The following CCT4 variants were observed in gnomAD, a reference collection of about 807,000 sequenced individuals.
CCT4 encodes the protein chaperonin containing TCP1 subunit 4, also known as T-complex protein 1 subunit delta.
CCT4 carries 17 observed loss-of-function variants against 62.5 expected under a neutral mutation model. The ratio of observed to expected loss-of-function variants is 0.27; its 90% confidence interval spans 0.19 to 0.41. The LOEUF (loss-of-function observed/expected upper bound fraction) is 0.41, where lower values mean the gene tolerates loss of function less well. Among genes scored for constraint, CCT4 ranks in the 10% least tolerant of loss-of-function variants. The probability of loss-of-function intolerance (pLI) is 1.00; values close to 1 mark genes in which losing one functional copy is unlikely to be tolerated. For missense variants in CCT4, 592 were observed against 659.2 expected (o/e 0.90, Z 1.12); for synonymous variants, 250 against 229.9 (o/e 1.09, Z -0.79).
intron 2 of CCT4, 81 bp downstream of exon 2, chr2:61,884,939 A>G: frequency 1.6e-6 from 2 of 1,238,870 alleles, no homozygotes; most frequent in Admixed American, 4.2e-5. Flanking sequence ...CTTTTTAAAC[A>G]GCACATCTAA....
intron 5 of CCT4, among the ~76,000 whole-genome samples, chr2:61,877,839 A>AT (rs1367206850): frequency 4.6e-5 from 7 of 152,238 alleles, no homozygotes; most frequent in Non-Finnish European, 8.8e-5. Flanking sequence ...TGAATGTGTG[A>AT]TGAGGCATCA....
At position 61,877,524 on chromosome 2, in the gene CCT4, T is replaced by C; in HGVS notation, c.523-10A>G. 6.7e-7 allele frequency: 1 copy of C among 1,496,666 alleles called. No homozygotes were observed. Among genetic ancestry groups the C allele is most frequent in the Non-Finnish European group, 8.8e-7 (1 of 1,132,870 alleles). 92.7% of individuals were successfully genotyped at this position (1,496,666 alleles called of 1,614,324 possible). A position where few individuals can be genotyped will look rare whatever the true frequency, so the allele number is the denominator to read the frequency against. On this transcript the variant is annotated splice_polypyrimidine_tract_variant and intron_variant, in intron 5 of 13. Transcript: ENST00000394440. ...AATACTGAGAAACCACCTAGAATTA[T>C]TAAAAAAAAAAAAAAGTTACCTTCA...
chr2:61,873,257 A>C lies in CCT4; in HGVS notation c.954T>G (p.Asn318Lys), dbSNP rs1375803504. 2 of 1,545,432 alleles carry C rather than the reference A, an allele frequency of 1.3e-6. No homozygotes were observed. Among genetic ancestry groups the C allele is most frequent in the Admixed American group, 3.3e-5 (2 of 59,898 alleles). ...CCTTAATCACCATGATCTTCATTTT[A>C]TTCAGAAAGTGTAATGCAAGATCAC... ...ALSDLALHFLNKMKIMVIKDI... is the reference protein window; with the variant it reads ...ALSDLALHFLKKMKIMVIKDI... The change falls in exon 9 of 14, where the codon AAT becomes AAG. Residue 318 changes from asparagine (N) to lysine (K), a missense_variant. Asn to Lys is a moderately conservative substitution (Grantham distance 94). Transcript: ENST00000394440.
intron 8 of CCT4, 143 bp downstream of exon 8, chr2:61,875,952 A>G (rs1264382720): frequency 3.9e-6 from 2 of 512,618 alleles, no homozygotes; most frequent in Non-Finnish European, 6.9e-6. Flanking sequence ...AAAATTCTCC[A>G]TTTCGTTTCA....
intron 1 of CCT4, among the ~76,000 whole-genome samples, chr2:61,887,307 C>A (rs1669278566): frequency 6.6e-6 from 1 of 152,182 alleles, no homozygotes; most frequent in African/African-American, 2.4e-5. Context: ...CTGATGACTG[C>A]AAACACATGT....
intron 3 of CCT4, among the ~76,000 whole-genome samples, chr2:61,882,112 T>C (rs555487031): frequency 6.6e-6 from 1 of 152,198 alleles, no homozygotes. Flanking sequence ...TTTGTATTTT[T>C]AGTAGAGATG....
chr2:61,888,105 T>C, intron 1 of CCT4: 1 of 368,064 alleles, frequency 2.7e-6, no homozygotes, highest in African/African-American at 2.1e-5. Flanking sequence ...CATTTTGAAC[T>C]GCTTTCGGCT....
At chr2:61,872,959 A>T (rs780722087) in intron 10 of CCT4, 43 bp downstream of exon 10, 2 of 1,142,180 alleles carry the variant, frequency 1.8e-6, no homozygotes, top group Non-Finnish European at 2.7e-6. Context: ...AAAACCCCAT[A>T]CCCAAACCTA....
intron 5 of CCT4, 26 bp downstream of exon 5, chr2:61,878,843 C>A (rs764989036): frequency 4.5e-6 from 7 of 1,559,778 alleles, no homozygotes; most frequent in African/African-American, 2.7e-5. Context: ...ACTAATTTGA[C>A]AAGTATCCGT....
intron 12 of CCT4, among the ~76,000 whole-genome samples, chr2:61,870,809 C>G (rs1199789818): frequency 6.6e-6 from 1 of 152,024 alleles, no homozygotes; most frequent in African/African-American, 2.4e-5. Flanking sequence ...GTAGTCCCAG[C>G]TACTCAGGAG....
At chr2:61,877,645 T>A (rs1232308583) in intron 5 of CCT4, 131 bp from the exon 6 acceptor site, 2 of 619,604 alleles carry the variant, frequency 3.2e-6, no homozygotes, top group Non-Finnish European at 5.3e-6. Context: ...AGGGAAACAC[T>A]CATGAGAAGA....
rs763502304 is a variant in CCT4, at chr2:61,868,436, CTTTTATTAGT to C, written c.*246_*255del. The C allele has an allele frequency of 1.6e-3, 698 of 446,652 alleles. 1 individual carries two copies. Among genetic ancestry groups the C allele is most frequent in the Non-Finnish European group, 2.3e-3 (578 of 249,762 alleles). The allele number at this position is 446,652 out of a possible 1,614,324, so 27.7% of individuals were successfully genotyped here. On this transcript the variant is annotated 3_prime_UTR_variant, in exon 14 of 14. Coordinates refer to ENST00000394440, the MANE Select transcript of CCT4 (RefSeq NM_006430.4). ...ACATGTAAACTCACTTTTTACGCTT[CTTTTATTAGT>C]TTTTATTAGTTTTTCAAAAGTATCA... is the stretch of plus-strand genomic sequence containing the variant.
chr2:61,888,553 C>A lies in CCT4; in HGVS notation c.-46G>T. On this transcript the variant is annotated 5_prime_UTR_variant, in exon 1 of 14. Coordinates refer to ENST00000394440, the MANE Select transcript of CCT4 (RefSeq NM_006430.4). Reference sequence around the variant, plus strand: ...GGTTGGCTCGGGAAGGACGGATGGACCCGGATTCTGGCCGGCCGCAGTGTA... The same window carrying A: ...GGTTGGCTCGGGAAGGACGGATGGAACCGGATTCTGGCCGGCCGCAGTGTA... 6.3e-7 allele frequency: 1 copy of A among 1,591,410 alleles called. No homozygotes were observed. Among genetic ancestry groups the A allele is most frequent in the South Asian group, 1.1e-5 (1 of 89,638 alleles).
intron 8 of CCT4, among the ~76,000 whole-genome samples, chr2:61,873,855 TG>T (rs1270044240): frequency 6.6e-6 from 1 of 152,060 alleles, no homozygotes; most frequent in Non-Finnish European, 1.5e-5. Context: ...CATGAGCCAC[TG>T]CACCCGGCTC....
chr2:61,885,530 C>A (rs1380245426), intron 1 of CCT4, among the ~76,000 whole-genome samples: 1 of 152,108 alleles, frequency 6.6e-6, no homozygotes, highest in Non-Finnish European at 1.5e-5. Context: ...TCCGCCTCAG[C>A]CTCTGGAGTA....
In CCT4 at chr2:61,876,015, A is replaced by G. The variant is rs574280736; in HGVS notation, c.917+80T>C. ...AACTTAGAGTAAGTGCTTAAATCATATATTTTATCAGAAAAAATAAACTGC... is the reference window on the plus strand; with the variant it reads ...AACTTAGAGTAAGTGCTTAAATCATGTATTTTATCAGAAAAAATAAACTGC... On this transcript the variant is annotated intron_variant, in intron 8 of 13. Transcript: ENST00000394440. 117 of 868,420 alleles carry G rather than the reference A, an allele frequency of 1.3e-4. 1 individual carries two copies. Among genetic ancestry groups the G allele is most frequent in the East Asian group, 1.1e-3 (44 of 39,592 alleles). The allele number at this position is 868,420 out of a possible 1,614,324, so 53.8% of individuals were successfully genotyped here.
intron 8 of CCT4, among the ~76,000 whole-genome samples, chr2:61,873,715 G>A (rs1668934797): frequency 6.6e-6 from 1 of 151,978 alleles, no homozygotes; most frequent in South Asian, 2.1e-4. Context: ...ACACGCTCCC[G>A]CCACCACACC....
At chr2:61,880,111 T>G (rs982690007) in intron 4 of CCT4, among the ~76,000 whole-genome samples, 175 bp downstream of exon 4, 2 of 152,184 alleles carry the variant, frequency 1.3e-5, no homozygotes, top group Non-Finnish European at 2.9e-5. Flanking sequence ...CAAGGAAAAT[T>G]TCTTCTAATC....
At chr2:61,873,503 T>C (rs1668929547) in intron 8 of CCT4, among the ~76,000 whole-genome samples, 1 of 152,174 alleles carries the variant, frequency 6.6e-6, no homozygotes, top group Admixed American at 6.6e-5. Flanking sequence ...ATGTACTCTG[T>C]CCCCAATGAC....
Sources: gnomAD v4.1 joint callset for allele counts (sites outside exome capture counted in the v4.1 genomes callset) on GRCh38, gnomAD v4.1.1 for gene constraint, MANE v1.5 for transcripts, NCBI Gene and HGNC (gene_info 2026-07-23, HGNC 2026-07-21) for gene names.